FANCM: variants seen among roughly 807,000 people sequenced by gnomAD.
FANCM encodes Fanconi anemia group M protein.
A neutral mutation model predicts 199.5 loss-of-function variants in FANCM; 140 were observed. The ratio of observed to expected loss-of-function variants is 0.70; its 90% CI spans 0.61 to 0.81. The LOEUF (loss-of-function observed/expected upper bound fraction) is 0.81, where lower values mean the gene tolerates loss of function less well. Among genes scored for constraint, FANCM ranks in the 30% least tolerant of loss-of-function variants. The pLI is 0.00. For missense variants in FANCM, 2,410 were observed against 2,421.4 expected, an observed-to-expected ratio of 1.00 and a Z score of 0.10; for synonymous variants, 840 against 836.8, an observed-to-expected ratio of 1.00 and a Z score of -0.07.
intron 13 of FANCM, among the ~76,000 whole-genome samples, chr14:45,174,640 A>G: frequency 6.6e-6 from 1 of 152,190 alleles, no homozygotes; most frequent in East Asian, 1.9e-4. Context: ...GGACATTCCA[A>G]AAGCTATTCT....
At chr14:45,185,413 T>G in intron 18 of FANCM, 40 bp downstream of exon 18, 1 of 1,185,250 alleles carries the variant, frequency 8.4e-7, no homozygotes, top group Non-Finnish European at 1.2e-6. Flanking sequence ...TTTCAATGTT[T>G]TTATGTGCTT....
chr14:45,156,990 C>T (rs1472412116), intron 8 of FANCM, among the ~76,000 whole-genome samples: 1 of 147,624 alleles, frequency 6.8e-6, no homozygotes, highest in Admixed American at 6.8e-5. Context: ...TACATGTTTG[C>T]AAATGATTAC....
chr14:45,139,620 A>G (rs141983109), intron 2 of FANCM, among the ~76,000 whole-genome samples: 1 of 152,338 alleles, frequency 6.6e-6, no homozygotes, highest in East Asian at 1.9e-4. Context: ...TTTAGGATTT[A>G]AAAGGAAATT....
Position 45,140,697 on chromosome 14 carries a change from T to A in FANCM, c.747T>A (p.Gly249=), listed in dbSNP as rs1378261782. The A allele has an allele frequency of 1.9e-6, 3 of 1,584,934 alleles. No individual in the cohort carries two copies. Among genetic ancestry groups the A allele is most frequent in the Non-Finnish European group, 2.6e-6 (3 of 1,154,224 alleles). The part of the protein sequence containing the change: ...FRILALSATP[G]SDIKAVQQVI... ...TCTTGGCTCTAAGTGCCACACCAGG[T>A]AGTGATATAAAGGTAAGTAAAATGT... The change falls in exon 3 of 23, where the codon GGT becomes GGA. Residue 249 remains glycine, a synonymous_variant. Coordinates refer to ENST00000267430, the MANE Select transcript of FANCM (RefSeq NM_020937.4).
At chr14:45,198,029 AG>A (rs201417225) in intron 21 of FANCM, among the ~76,000 whole-genome samples, 12,873 of 152,134 alleles carry the variant, frequency 0.085, 713 homozygotes, top group South Asian at 0.17. Flanking sequence ...AGCCTCCCAA[AG>A]TGCTGGGATT....
intron 21 of FANCM, among the ~76,000 whole-genome samples, chr14:45,197,272 ATAT>A (rs1268664141): frequency 6.6e-6 from 1 of 152,170 alleles, no homozygotes; most frequent in African/African-American, 2.4e-5. Flanking sequence ...TCATCTTGTG[ATAT>A]TATGAGAACT....
intron 12 of FANCM, among the ~76,000 whole-genome samples, 170 bp downstream of exon 12, chr14:45,170,916 CA>C (rs1168557146): frequency 2.6e-5 from 4 of 152,016 alleles, no homozygotes; most frequent in African/African-American, 9.7e-5. Flanking sequence ...TGTAAGAAAT[CA>C]TTAAAGTCTA....
chr14:45,195,892 A>T (rs189805273), intron 20 of FANCM, among the ~76,000 whole-genome samples: 2 of 152,128 alleles, frequency 1.3e-5, no homozygotes, highest in Admixed American at 1.3e-4. Context: ...TAAAAATTAT[A>T]ATTTTCTTTT....
At chr14:45,170,225 TA>T (rs1681932350) in intron 11 of FANCM, among the ~76,000 whole-genome samples, 1 of 152,202 alleles carries the variant, frequency 6.6e-6, no homozygotes, top group Non-Finnish European at 1.5e-5. Flanking sequence ...AGGAGACATT[TA>T]GAAGCATGAA....
At position 45,178,336 on chromosome 14, in the gene FANCM, A is replaced by C. The variant is rs557371250; in HGVS notation, c.4222+1360A>C. On this transcript the variant is annotated intron_variant, in intron 14 of 22. Coordinates refer to ENST00000267430, the MANE Select transcript of FANCM (RefSeq NM_020937.4). ...ATATTTGCTTTAATACCTCTATATGAAGTCCACGTTAATGAGTGAGATAAT... is the reference window on the plus strand; with the variant it reads ...ATATTTGCTTTAATACCTCTATATGCAGTCCACGTTAATGAGTGAGATAAT... Among the ~76,000 whole-genome samples, 74 of 152,314 alleles carry C rather than the reference A, an allele frequency of 4.9e-4. 1 individual carries two copies. The South Asian group carries it at 0.015, about 31-fold the overall frequency.
At chr14:45,140,124 G>C (rs923074298) in intron 2 of FANCM, among the ~76,000 whole-genome samples, 3 of 152,134 alleles carry the variant, frequency 2.0e-5, no homozygotes, top group Non-Finnish European at 4.4e-5. Flanking sequence ...CTCTTAATCT[G>C]TCAAGTGTGC....
intron 8 of FANCM, among the ~76,000 whole-genome samples, chr14:45,156,425 A>G (rs532977417): frequency 6.6e-6 from 1 of 152,306 alleles, no homozygotes; most frequent in East Asian, 1.9e-4. Context: ...TGACATTTTA[A>G]GGATCACTCT....
chr14:45,141,399 T>C (rs1412685331), intron 3 of FANCM, among the ~76,000 whole-genome samples: 2 of 151,770 alleles, frequency 1.3e-5, no homozygotes, highest in African/African-American at 2.4e-5. Flanking sequence ...GGTATTTATC[T>C]AGTTTAACAT....
chr14:45,176,101 A>G lies in FANCM; in HGVS notation c.3347A>G (p.His1116Arg), dbSNP rs778621580. Reference sequence around the variant, plus strand: ...CAGAATTTAGTTGGAGAGAACAATCATGATGTTGATAACAGTGACCTCCCA... The same window carrying G: ...CAGAATTTAGTTGGAGAGAACAATCGTGATGTTGATAACAGTGACCTCCCA... ...PAQNLVGENNHDVDNSDLPVL... is the reference protein window; with the variant it reads ...PAQNLVGENNRDVDNSDLPVL... Residue 1116 changes from histidine (H) to arginine (R), a missense_variant, in exon 14 of 23, where the codon CAT becomes CGT. Transcript: ENST00000267430. The G allele has an allele frequency of 4.3e-6, 7 of 1,613,956 alleles. No individual in the cohort carries two copies. Among genetic ancestry groups the G allele is most frequent in the Non-Finnish European group, 5.1e-6 (6 of 1,179,976 alleles).
chr14:45,144,877 T>C (rs919118225), intron 3 of FANCM, among the ~76,000 whole-genome samples: 10 of 152,156 alleles, frequency 6.6e-5, no homozygotes, highest in Non-Finnish European at 1.0e-4. Flanking sequence ...AAGTCTCCTT[T>C]ACTTCTGCTT....
intron 16 of FANCM, 147 bp from the exon 17 acceptor site, chr14:45,183,627 A>G: frequency 5.1e-6 from 3 of 588,180 alleles, no homozygotes; most frequent in Non-Finnish European, 8.9e-6. Flanking sequence ...ATTTAATATT[A>G]CCTAAGTTAT....
Position 45,175,901 on chromosome 14 carries a change from A to C in FANCM, c.3147A>C (p.Leu1049Phe), listed in dbSNP as rs147299864. 14 of 1,613,358 alleles carry C rather than the reference A, an allele frequency of 8.7e-6. No homozygotes were observed. The African/African-American group carries it at 1.6e-4, about 18-fold the overall frequency. ...SHSAVNSQQN[L>F]ELNSLKCINY... Reference sequence around the variant, plus strand: ...CAGCTGTGAATTCTCAACAGAATTTAGAATTGAATTCACTTAAATGTATAA... The same window carrying C: ...CAGCTGTGAATTCTCAACAGAATTTCGAATTGAATTCACTTAAATGTATAA... The change falls in exon 14 of 23, where the codon TTA becomes TTC. Residue 1049 changes from leucine (L) to phenylalanine (F), a missense_variant. Physicochemically the swap from Leu to Phe is conservative, Grantham distance 22. Coordinates refer to ENST00000267430, the MANE Select transcript of FANCM (RefSeq NM_020937.4).
In FANCM at chr14:45,175,096, T is replaced by C. The variant is rs991804577; in HGVS notation, c.2342T>C (p.Val781Ala). The C allele has an allele frequency of 3.7e-6, 6 of 1,611,016 alleles. No homozygotes were observed. The highest frequency in any genetic ancestry group is 5.1e-6 in the Non-Finnish European group (6 of 1,177,864). Reference sequence around the variant, plus strand: ...GGAGAATGCAGCTATGAATTGGAAGTTGAATCTTATTTACAAATGGAAGAT... The same window carrying C: ...GGAGAATGCAGCTATGAATTGGAAGCTGAATCTTATTTACAAATGGAAGAT... ...EEGECSYELE[V>A]ESYLQMEDVT... Residue 781 changes from valine (V) to alanine (A), a missense_variant, in exon 14 of 23, where the codon GTT (valine) becomes GCT (alanine). Coordinates refer to ENST00000267430, the MANE Select transcript of FANCM (RefSeq NM_020937.4).
chr14:45,162,363 T>G (rs1331894350), intron 9 of FANCM, among the ~76,000 whole-genome samples: 1 of 152,198 alleles, frequency 6.6e-6, no homozygotes, highest in East Asian at 1.9e-4. Context: ...GATTAATGCT[T>G]TTCAAACTAT....
Sources: gnomAD v4.1 joint callset for allele counts (sites outside exome capture counted in the v4.1 genomes callset) on GRCh38, gnomAD v4.1.1 for gene constraint, MANE v1.5 for transcripts, NCBI Gene and HGNC (gene_info 2026-07-23, HGNC 2026-07-21) for gene names.